CNGB3: variants seen among roughly 807,000 people sequenced by gnomAD.
CNGB3 encodes the protein cyclic nucleotide-gated channel beta-3.
In CNGB3, 86 loss-of-function variants were observed where a neutral mutation model predicts 92.8. That is an observed-to-expected ratio of 0.93 (90% CI 0.78 to 1.11). The LOEUF is 1.11. Ranked by LOEUF, CNGB3 falls within the 50% of genes least tolerant of loss-of-function variation. CNGB3 has a pLI of 0.00. For missense variants in CNGB3, 1,026 were observed against 956.8 expected (o/e 1.07, Z -0.95); for synonymous variants, 333 against 332.7 (o/e 1.00, Z -0.01).
In CNGB3 at chr8:86,658,435, G is replaced by A. The variant is rs1269621895; in HGVS notation, c.853-4373C>T. The A allele has an allele frequency of 9.5e-6, 4 of 422,846 alleles. No individual in the cohort carries two copies. The Admixed American group carries it at 1.2e-4, about 12-fold the overall frequency. 26.2% of individuals were successfully genotyped at this position (422,846 alleles called of 1,614,324 possible). ...TTCTGCTGGCTGGTAGCTTCCAGGT[G>A]CTCCTGGGTCTCCTGCAACCCTTGG... On this transcript the variant is annotated intron_variant, in intron 6 of 17. Transcript: ENST00000320005.
intron 6 of CNGB3, chr8:86,661,215 CTTTCTT>C: frequency 3.4e-6 from 1 of 298,244 alleles, no homozygotes; most frequent in Non-Finnish European, 6.9e-6. Flanking sequence ...ATATTCTATG[CTTTCTT>C]TTTCTTTTTT....
chr8:86,692,888 G>T (rs1004963164), intron 3 of CNGB3, among the ~76,000 whole-genome samples: 8 of 152,048 alleles, frequency 5.3e-5, no homozygotes, highest in African/African-American at 1.7e-4. Context: ...TCAAGATTTA[G>T]AGCTCCTTTT....
intron 9 of CNGB3, 130 bp downstream of exon 9, chr8:86,644,492 A>G: frequency 1.6e-6 from 2 of 1,235,634 alleles, no homozygotes; most frequent in Middle Eastern, 3.9e-4. Context: ...ATAGTCCTAT[A>G]TTTTATATAG....
intron 6 of CNGB3, chr8:86,657,471 G>C (rs763617171): frequency 5.8e-5 from 30 of 517,072 alleles, no homozygotes; most frequent in Non-Finnish European, 1.1e-4. Flanking sequence ...TGCTCCTGGG[G>C]GTTCTGCATC....
intron 15 of CNGB3, among the ~76,000 whole-genome samples, chr8:86,584,989 T>C (rs1821864277): frequency 6.6e-6 from 1 of 152,206 alleles, no homozygotes; most frequent in South Asian, 2.1e-4. Flanking sequence ...TCTACTGTGT[T>C]TCTGAACAGA....
At chr8:86,687,641 A>T (rs1345710356) in intron 3 of CNGB3, among the ~76,000 whole-genome samples, 1 of 152,090 alleles carries the variant, frequency 6.6e-6, no homozygotes, top group Non-Finnish European at 1.5e-5. Flanking sequence ...TGAATGTACT[A>T]AATGCTACTG....
Position 86,662,433 on chromosome 8 carries a change from G to A in CNGB3, c.852+4492C>T, listed in dbSNP as rs566322705. 1.5e-3 allele frequency among the ~76,000 whole-genome samples: 227 copies of A among 152,276 alleles called. 1 individual carries two copies. Among genetic ancestry groups the A allele is most frequent in the African/African-American group, 5.2e-3 (217 of 41,550 alleles). On this transcript the variant is annotated intron_variant, in intron 6 of 17. Transcript: ENST00000320005. ...CTCAGGTAAGAAAGAGAGATACATA[G>A]ACAAATAGGAGACAAGAGGGAAAAG... is the stretch of plus-strand genomic sequence containing the variant.
At chr8:86,741,485 G>A (rs559973189) in intron 1 of CNGB3, among the ~76,000 whole-genome samples, 1 of 152,172 alleles carries the variant, frequency 6.6e-6, no homozygotes, top group Admixed American at 6.5e-5. Context: ...CCAACATGGT[G>A]AAACCCCGTC....
At chr8:86,659,056 A>C (rs1216791181) in intron 6 of CNGB3, 10 of 914,658 alleles carry the variant, frequency 1.1e-5, no homozygotes, top group Non-Finnish European at 1.4e-5. Flanking sequence ...TCCACCTCAG[A>C]GGGCCCTGCT....
intron 13 of CNGB3, among the ~76,000 whole-genome samples, chr8:86,621,901 A>G (rs1018536917): frequency 4.6e-5 from 7 of 152,134 alleles, no homozygotes; most frequent in Non-Finnish European, 8.8e-5. Flanking sequence ...TGTCTCTGCT[A>G]AAAATACAAA....
intron 3 of CNGB3, among the ~76,000 whole-genome samples, chr8:86,687,406 A>G (rs1314194668): frequency 6.6e-6 from 1 of 152,032 alleles, no homozygotes; most frequent in African/African-American, 2.4e-5. Context: ...CCTAGAAAAC[A>G]TTATGCTAAG....
intron 6 of CNGB3, chr8:86,657,258 C>T (rs764798256): frequency 1.8e-5 from 4 of 221,814 alleles, no homozygotes; most frequent in Non-Finnish European, 2.7e-5. Context: ...CTCCCCCCAT[C>T]ACACAGGGGT....
intron 3 of CNGB3, among the ~76,000 whole-genome samples, chr8:86,683,476 G>T (rs1824121911): frequency 6.6e-6 from 1 of 152,180 alleles, no homozygotes; most frequent in Admixed American, 6.5e-5. Context: ...TAAACAAATT[G>T]CTGATAACTG....
chr8:86,715,263 A>G (rs1229377555), intron 3 of CNGB3, among the ~76,000 whole-genome samples: 1 of 152,138 alleles, frequency 6.6e-6, no homozygotes, highest in East Asian at 1.9e-4. Flanking sequence ...ACTGAAAAAA[A>G]TACAACCAAA....
intron 3 of CNGB3, among the ~76,000 whole-genome samples, chr8:86,703,666 T>G (rs1160743104): frequency 1.3e-5 from 2 of 152,128 alleles, no homozygotes; most frequent in Non-Finnish European, 2.9e-5. Flanking sequence ...AATCCATGCT[T>G]TTGTTCGGCA....
At chr8:86,595,566 A>T (rs1822153286) in intron 15 of CNGB3, among the ~76,000 whole-genome samples, 1 of 152,248 alleles carries the variant, frequency 6.6e-6, no homozygotes, top group African/African-American at 2.4e-5. Context: ...CTCTTAACAC[A>T]GGTAGTGCTT....
At chr8:86,593,640 C>T in intron 15 of CNGB3, 1 of 487,200 alleles carries the variant, frequency 2.1e-6, no homozygotes, top group South Asian at 2.2e-5. Flanking sequence ...AGTGGGGTTC[C>T]CCACTGAGGT....
intron 6 of CNGB3, chr8:86,659,941 T>C (rs1823600954): frequency 1.5e-5 from 5 of 343,966 alleles, no homozygotes; most frequent in Non-Finnish European, 2.9e-5. Flanking sequence ...TGAAGAGTTG[T>C]CCTGGGCTCT....
intron 13 of CNGB3, among the ~76,000 whole-genome samples, chr8:86,620,918 T>C (rs1822713463): frequency 6.6e-6 from 1 of 152,126 alleles, no homozygotes; most frequent in Non-Finnish European, 1.5e-5. Flanking sequence ...GTTTTTTTCA[T>C]GTAACAGAAA....
Sources: allele counts gnomAD v4.1 joint callset (sites outside exome capture counted in the v4.1 genomes callset), GRCh38; gene constraint gnomAD v4.1.1; transcripts MANE v1.5; gene names NCBI Gene and HGNC (gene_info 2026-07-23, HGNC 2026-07-21).